Variants in PTPRK observed in about 807,000 individuals in gnomAD.
PTPRK encodes the protein protein tyrosine phosphatase receptor type K, also known as receptor-type tyrosine-protein phosphatase kappa.
Under a neutral mutation model 178.0 loss-of-function variants are expected in PTPRK, and 75 were observed. The ratio of observed to expected loss-of-function variants is 0.42; its 90% CI spans 0.35 to 0.51. PTPRK has a LOEUF of 0.51. Ranked by LOEUF, PTPRK falls within the 20% of genes least tolerant of loss-of-function variation. The pLI is 0.02. For missense variants in PTPRK, 1,441 were observed against 1,797.8 expected (o/e 0.80, Z 3.59); for synonymous variants, 637 against 620.6 (o/e 1.03, Z -0.39).
rs543336198 is a variant in PTPRK at position 128,478,353 on chromosome 6, G to T, written c.100+41906C>A. Among the ~76,000 whole-genome samples the T allele has an allele frequency of 2.0e-5, 3 of 152,206 alleles. No individual in the cohort carries two copies. The Middle Eastern group carries it at 0.01, about 518-fold the overall frequency. On this transcript the variant is annotated intron_variant, in intron 1 of 29. Transcript: ENST00000368226. Reference sequence around the variant, plus strand: ...GTGCCTAAGTATTGGTGGCTGCAAAGAGTTGCAGCTGACCACACCTCAAGT... The same window carrying T: ...GTGCCTAAGTATTGGTGGCTGCAAATAGTTGCAGCTGACCACACCTCAAGT...
intron 3 of PTPRK, among the ~76,000 whole-genome samples, chr6:128,294,865 T>G (rs1324419373): frequency 2.0e-5 from 3 of 152,064 alleles, no homozygotes; most frequent in African/African-American, 7.2e-5. Context: ...AATGTAGACA[T>G]AATGATAAGT....
intron 2 of PTPRK, among the ~76,000 whole-genome samples, chr6:128,362,880 C>T (rs1232933372): frequency 6.6e-6 from 1 of 151,872 alleles, no homozygotes; most frequent in Non-Finnish European, 1.5e-5. Flanking sequence ...AATACTTTCC[C>T]CAAAAGAGAG....
At chr6:128,143,970 G>A (rs947214136) in intron 7 of PTPRK, among the ~76,000 whole-genome samples, 1 of 152,124 alleles carries the variant, frequency 6.6e-6, no homozygotes, top group African/African-American at 2.4e-5. Context: ...CCCACAGTCA[G>A]GAAACTCTAC....
chr6:128,433,501 TTTTG>T (rs1053731790), intron 1 of PTPRK, among the ~76,000 whole-genome samples: 26 of 152,016 alleles, frequency 1.7e-4, no homozygotes, highest in East Asian at 1.2e-3. Context: ...TTTTTTTGTA[TTTTG>T]TTTGTTTGTT....
At chr6:128,066,968 A>T (rs898059280) in intron 12 of PTPRK, among the ~76,000 whole-genome samples, 1 of 152,194 alleles carries the variant, frequency 6.6e-6, no homozygotes, top group Non-Finnish European at 1.5e-5. Flanking sequence ...CTCAGCAGCC[A>T]GTCATCGCCA....
At chr6:128,429,949 T>A (rs1002023638) in intron 1 of PTPRK, among the ~76,000 whole-genome samples, 84 of 152,342 alleles carry the variant, frequency 5.5e-4, no homozygotes, top group African/African-American at 1.9e-3. Flanking sequence ...ACTTATTAGG[T>A]ATGAAATTTT....
At chr6:128,294,490 A>G (rs1474845322) in intron 3 of PTPRK, among the ~76,000 whole-genome samples, 3 of 151,928 alleles carry the variant, frequency 2.0e-5, no homozygotes, top group African/African-American at 7.2e-5. Flanking sequence ...GGTTTCACAG[A>G]CTCTAGCATC....
chr6:128,160,514 C>G (rs986900952), intron 7 of PTPRK, among the ~76,000 whole-genome samples: 1 of 151,786 alleles, frequency 6.6e-6, no homozygotes, highest in East Asian at 1.9e-4. Context: ...AGTTTGCACT[C>G]TTAACACTGA....
At chr6:128,509,942 T>C (rs1036964353) in intron 1 of PTPRK, among the ~76,000 whole-genome samples, 1 of 152,176 alleles carries the variant, frequency 6.6e-6, no homozygotes, top group Admixed American at 6.6e-5. Context: ...CAACACCAGA[T>C]AGCAATCTGC....
At chr6:128,452,262 C>A (rs1008155433) in intron 1 of PTPRK, among the ~76,000 whole-genome samples, 1 of 152,072 alleles carries the variant, frequency 6.6e-6, no homozygotes, top group Non-Finnish European at 1.5e-5. Flanking sequence ...TAAAAGGTCA[C>A]CCTCCCCCTT....
intron 1 of PTPRK, among the ~76,000 whole-genome samples, chr6:128,406,964 A>G (rs1004764695): frequency 6.6e-6 from 1 of 152,186 alleles, no homozygotes. Flanking sequence ...AGTGAATGAA[A>G]TTTTACATTG....
chr6:128,117,928 C>A (rs1208984525), intron 7 of PTPRK, among the ~76,000 whole-genome samples: 1 of 152,156 alleles, frequency 6.6e-6, no homozygotes, highest in Non-Finnish European at 1.5e-5. Context: ...GGGTTACAGG[C>A]TTCAGCCACT....
chr6:128,087,428 A>G (rs1786082376), intron 8 of PTPRK, among the ~76,000 whole-genome samples: 1 of 152,158 alleles, frequency 6.6e-6, no homozygotes, highest in African/African-American at 2.4e-5. Context: ...CATTTATCCC[A>G]TTTTAAAAGA....
Position 128,519,494 on chromosome 6 carries a change from G to A in PTPRK, c.100+765C>T, listed in dbSNP as rs1562688913. ...GGGCCAGAGCCCCAGGCCGGATCCGGGGAGCGCGGGGCCAGCCTGGCGGTG... is the reference window on the plus strand; with the variant it reads ...GGGCCAGAGCCCCAGGCCGGATCCGAGGAGCGCGGGGCCAGCCTGGCGGTG... On this transcript the variant is annotated intron_variant, in intron 1 of 29. Transcript: ENST00000368226. This position sits in a 1 kb window ranked among gnomAD's most constrained non-coding sequence, Gnocchi z 4.3. 6.6e-6 allele frequency among the ~76,000 whole-genome samples: 1 copy of A among 152,182 alleles called. No homozygotes were observed. The highest frequency in any genetic ancestry group is 1.5e-5 in the Non-Finnish European group (1 of 68,032).
intron 3 of PTPRK, among the ~76,000 whole-genome samples, chr6:128,303,632 G>T (rs925429840): frequency 1.3e-5 from 2 of 152,104 alleles, no homozygotes; most frequent in Non-Finnish European, 2.9e-5. Context: ...AGGACTCTTT[G>T]CTACCTCAAT....
chr6:128,160,578 C>T (rs1052710375), intron 7 of PTPRK, among the ~76,000 whole-genome samples: 16 of 151,752 alleles, frequency 1.1e-4, no homozygotes, highest in African/African-American at 3.6e-4. Flanking sequence ...TATAGCAACT[C>T]TTTTCATTAG....
At chr6:128,387,362 CATATT>C (rs1838892182) in intron 2 of PTPRK, among the ~76,000 whole-genome samples, 1 of 152,146 alleles carries the variant, frequency 6.6e-6, no homozygotes, top group South Asian at 2.1e-4. Context: ...AAATGATACT[CATATT>C]ATGATAATGC....
intron 1 of PTPRK, among the ~76,000 whole-genome samples, chr6:128,415,575 T>C (rs935323059): frequency 6.6e-6 from 1 of 151,888 alleles, no homozygotes; most frequent in Non-Finnish European, 1.5e-5. Context: ...CTCTTGAGGA[T>C]AATGTCCATT....
chr6:128,351,678 T>C (rs1410512919), intron 2 of PTPRK, among the ~76,000 whole-genome samples: 1 of 152,164 alleles, frequency 6.6e-6, no homozygotes, highest in Non-Finnish European at 1.5e-5. Context: ...TCATGGAGAA[T>C]CTTTTCAAAA....
Sources: gnomAD v4.1 joint callset for allele counts (sites outside exome capture counted in the v4.1 genomes callset) on GRCh38, gnomAD v4.1.1 for gene constraint, Gnocchi (gnomAD v3.1) non-coding constraint, MANE v1.5 for transcripts, NCBI Gene and HGNC (gene_info 2026-07-23, HGNC 2026-07-21) for gene names.